The following SHPRH variants were observed in gnomAD, a reference collection of about 807,000 sequenced individuals.
SHPRH encodes E3 ubiquitin-protein ligase SHPRH.
A neutral mutation model predicts 202.5 loss-of-function variants in SHPRH; 106 were observed. That is an observed-to-expected ratio of 0.52 (90% confidence interval 0.45 to 0.62). The LOEUF (loss-of-function observed/expected upper bound fraction) is 0.62. Ranked by LOEUF, SHPRH falls within the 20% of genes least tolerant of loss-of-function variation. SHPRH has a pLI of 0.00. For synonymous variants in SHPRH, 729 were observed against 686.0 expected (o/e 1.06, Z -0.98); for missense variants, 1,710 against 2,020.0 (o/e 0.85, Z 2.94).
At position 145,894,134 on chromosome 6, in the gene SHPRH, T is replaced by C. The variant is rs746931975; in HGVS notation, c.4695+16A>G. On this transcript the variant is annotated intron_variant, in intron 27 of 29. Transcript: ENST00000275233. ...ACTGTATCCACTACAAAAACCGGAG[T>C]AAAATCTTAACATACCTGAAATGTC... 1.3e-6 allele frequency: 2 copies of C among 1,577,766 alleles called. No individual in the cohort carries two copies. Among genetic ancestry groups the C allele is most frequent in the Non-Finnish European group, 1.7e-6 (2 of 1,166,476 alleles).
chr6:145,932,937 T>G (rs1582745194), intron 14 of SHPRH, 120 bp downstream of exon 14: 1 of 1,135,304 alleles, frequency 8.8e-7, no homozygotes, highest in Admixed American at 2.6e-5. Flanking sequence ...TTCAGTAGTG[T>G]GTGAGAGTAT....
At chr6:145,931,994 G>A (rs544614830) in intron 14 of SHPRH, among the ~76,000 whole-genome samples, 2 of 150,524 alleles carry the variant, frequency 1.3e-5, no homozygotes, top group African/African-American at 4.9e-5. Flanking sequence ...AGTCTTCTTC[G>A]TTTTTCATGT....
At chr6:145,922,938 GTTTGCTGTTTTTT>G in intron 18 of SHPRH, 102 bp from the exon 19 acceptor site, 1 of 1,162,550 alleles carries the variant, frequency 8.6e-7, no homozygotes, top group Non-Finnish European at 1.1e-6. Context: ...TAAAGAAACT[GTTTGCTGTTTTTT>G]TTTTTTTTAA....
intron 8 of SHPRH, among the ~76,000 whole-genome samples, chr6:145,944,743 A>G (rs1787182463): frequency 6.6e-6 from 1 of 152,128 alleles, no homozygotes; most frequent in African/African-American, 2.4e-5. Flanking sequence ...CAAATATTAT[A>G]ACTATTTTCC....
In SHPRH at chr6:145,921,325, C is replaced by T; in HGVS notation, c.3850G>A (p.Ala1284Thr). 2 of 1,612,874 alleles carry T rather than the reference C, an allele frequency of 1.2e-6. No homozygotes were observed. The highest frequency in any genetic ancestry group is 1.7e-6 in the Non-Finnish European group (2 of 1,179,298). Reference sequence around the variant, plus strand: ...CAGAGACCCCGGGTGGTGGTAGGTGCTCGATCATCCACCAGTCCTTCTTCA... The same window carrying T: ...CAGAGACCCCGGGTGGTGGTAGGTGTTCGATCATCCACCAGTCCTTCTTCA... ...EDEEGLVDDR[A>T]PTTTRGLWAI... is the part of the protein sequence containing the mutation. The change falls in exon 21 of 30, where the codon GCA (alanine) becomes ACA (threonine). Residue 1284 changes from alanine to threonine, a missense_variant. Ala to Thr is a moderately conservative substitution (Grantham distance 58). Around this residue, in one of 8 missense-constraint regions of SHPRH, gnomAD observed 288 missense variants for 317.8 expected, o/e 0.91. Coordinates refer to ENST00000275233, the MANE Select transcript of SHPRH (RefSeq NM_001042683.3).
In SHPRH at chr6:145,955,227, T is replaced by A. The variant is rs1411352379; in HGVS notation, c.96A>T (p.Glu32Asp). The A allele has an allele frequency of 6.2e-7, 1 of 1,613,408 alleles. No individual in the cohort carries two copies. The highest frequency in any genetic ancestry group is 8.5e-7 in the Non-Finnish European group (1 of 1,179,940). Residue 32 changes from glutamate to aspartate, a missense_variant, in exon 2 of 30, where the codon GAA becomes GAT. This residue lies in a region of SHPRH where 459 missense variants were observed against 426.5 expected (regional missense o/e 1.08). Coordinates refer to ENST00000275233, the MANE Select transcript of SHPRH (RefSeq NM_001042683.3). ...HWNMHEDRRN[E>D]PIIISDDDEQ... The stretch of plus-strand genomic sequence containing the variant: ...CGTCATCATCACTTATGATGATAGG[T>A]TCATTCCTTCTGTCCTCATGCATAT...
intron 11 of SHPRH, among the ~76,000 whole-genome samples, chr6:145,936,035 T>C (rs1173554465): frequency 6.6e-6 from 1 of 152,200 alleles, no homozygotes; most frequent in East Asian, 1.9e-4. Flanking sequence ...AATAGAACTA[T>C]TTTTCTTTTC....
chr6:145,894,800 A>C, intron 26 of SHPRH, 85 bp downstream of exon 26: 1 of 1,186,280 alleles, frequency 8.4e-7, no homozygotes, highest in Middle Eastern at 2.0e-4. Flanking sequence ...AAGAGTAAAC[A>C]TCAAAAATTA....
intron 24 of SHPRH, among the ~76,000 whole-genome samples, chr6:145,912,852 T>C (rs1014859704): frequency 1.3e-5 from 2 of 151,378 alleles, no homozygotes; most frequent in Admixed American, 6.6e-5. Flanking sequence ...AATAGTCTGA[T>C]ATATATATAT....
At chr6:145,920,431 T>C (rs1241894294) in intron 21 of SHPRH, among the ~76,000 whole-genome samples, 1 of 152,122 alleles carries the variant, frequency 6.6e-6, no homozygotes, top group Non-Finnish European at 1.5e-5. Flanking sequence ...TATAAACCAA[T>C]GATTTTGATG....
At chr6:145,938,936 A>G (rs971218735) in intron 11 of SHPRH, among the ~76,000 whole-genome samples, 5 of 152,184 alleles carry the variant, frequency 3.3e-5, no homozygotes, top group African/African-American at 1.2e-4. Flanking sequence ...TTCTGAAGAC[A>G]TTTCTGGGTG....
chr6:145,922,938 G>C, intron 18 of SHPRH, 102 bp from the exon 19 acceptor site: 1 of 1,162,550 alleles, frequency 8.6e-7, no homozygotes, highest in Non-Finnish European at 1.1e-6. Flanking sequence ...TAAAGAAACT[G>C]TTTGCTGTTT....
intron 2 of SHPRH, among the ~76,000 whole-genome samples, chr6:145,876,375 TA>T (rs1053436546): frequency 1.3e-5 from 2 of 151,938 alleles, no homozygotes; most frequent in Non-Finnish European, 2.9e-5. Flanking sequence ...ACCCATCCTC[TA>T]AAAAAAATAA....
At chr6:145,934,119 G>T (rs1196555769) in intron 13 of SHPRH, among the ~76,000 whole-genome samples, 1 of 152,042 alleles carries the variant, frequency 6.6e-6, no homozygotes, top group Non-Finnish European at 1.5e-5. Flanking sequence ...CAGGAGGACT[G>T]CTTGGGGCCA....
At chr6:145,959,455 C>T (rs1249298118) in intron 1 of SHPRH, among the ~76,000 whole-genome samples, 1 of 152,136 alleles carries the variant, frequency 6.6e-6, no homozygotes, top group Non-Finnish European at 1.5e-5. Context: ...CAGGCTGTAC[C>T]ATAGAGCCTA....
chr6:145,930,901 C>T (rs1422671944), intron 14 of SHPRH, among the ~76,000 whole-genome samples: 2 of 152,034 alleles, frequency 1.3e-5, no homozygotes, highest in Non-Finnish European at 2.9e-5. Context: ...GTTTTAGGTA[C>T]GTTAATATTT....
At chr6:145,951,946 T>C (rs974858241) in intron 3 of SHPRH, 52 of 454,618 alleles carry the variant, frequency 1.1e-4, no homozygotes, top group Middle Eastern at 3.3e-4. Context: ...CAGAGCAAAG[T>C]TATCTGGTCT....
intron 14 of SHPRH, 187 bp from the exon 15 acceptor site, chr6:145,927,464 CT>C: frequency 4.6e-6 from 2 of 430,326 alleles, no homozygotes; most frequent in African/African-American, 2.0e-5. Flanking sequence ...AGTACAGTTC[CT>C]TTTTTAATTC....
At chr6:145,935,214 T>A (rs770914895) in intron 12 of SHPRH, 51 bp from the exon 13 acceptor site, 1 of 1,599,106 alleles carries the variant, frequency 6.3e-7, no homozygotes, top group Non-Finnish European at 8.5e-7. Context: ...AAAATTTATC[T>A]TTCCATCCCA....
Sources: allele counts gnomAD v4.1 joint callset (sites outside exome capture counted in the v4.1 genomes callset), GRCh38; gene constraint gnomAD v4.1.1; regional missense constraint gnomAD v4.1.1; transcripts MANE v1.5; gene names NCBI Gene and HGNC (gene_info 2026-07-23, HGNC 2026-07-21).